SETX: variants seen among roughly 807,000 people sequenced by gnomAD.
The protein encoded by SETX is senataxin, also known as helicase senataxin.
Under a neutral mutation model 227.2 loss-of-function variants are expected in SETX, and 90 were observed. The ratio of observed to expected loss-of-function variants is 0.40; its 90% CI spans 0.33 to 0.47. SETX has a LOEUF of 0.47. Ranked by LOEUF, SETX falls within the 20% of genes least tolerant of loss-of-function variation. SETX has a pLI of 0.91. For synonymous variants in SETX, 1,210 were observed against 1,113.2 expected, an observed-to-expected ratio of 1.09 and a Z score of -1.73; for missense variants, 3,052 against 3,181.5, an observed-to-expected ratio of 0.96 and a Z score of 0.98.
At chr9:132,356,500 C>G (rs1210283108), upstream of SETX, among the ~76,000 whole-genome samples, 3 of 152,202 alleles carry the variant, frequency 2.0e-5, no homozygotes, top group East Asian at 1.9e-4. Context: ...CCGCACCCGG[C>G]CCCTACCCCC....
At chr9:132,289,873 G>GT (rs1369762857) in intron 15 of SETX, among the ~76,000 whole-genome samples, 3 of 151,962 alleles carry the variant, frequency 2.0e-5, no homozygotes, top group Non-Finnish European at 2.9e-5. Context: ...TAATGTTTTT[G>GT]TTTTTTTCTT....
At chr9:132,310,300 T>C (rs1352530883) in intron 11 of SETX, among the ~76,000 whole-genome samples, 2 of 152,250 alleles carry the variant, frequency 1.3e-5, no homozygotes, top group Non-Finnish European at 2.9e-5. Context: ...CAACTTCTCA[T>C]ATACTGCTGG....
chr9:132,275,319 GTTA>G lies in SETX; in HGVS notation c.7034_7036del (p.Ile2345del). The G allele has an allele frequency of 6.2e-7, 1 of 1,613,976 alleles. No homozygotes were observed. Among genetic ancestry groups the G allele is most frequent in the Non-Finnish European group, 8.5e-7 (1 of 1,179,918 alleles). ...CATCGTCTTCTGGGCCTTGTAATGA[GTTA>G]TTATGCCAATGTTTCGAAAACTAAC... On this transcript the variant is annotated inframe_deletion, in exon 23 of 26. Coordinates refer to ENST00000224140, the MANE Select transcript of SETX (RefSeq NM_015046.7).
At chr9:132,287,714 A>G (rs1301030218) in intron 17 of SETX, among the ~76,000 whole-genome samples, 1 of 152,004 alleles carries the variant, frequency 6.6e-6, no homozygotes, top group Non-Finnish European at 1.5e-5. Flanking sequence ...ATTTTTAACA[A>G]AAGTAATTTT....
At position 132,283,254 on chromosome 9, in the gene SETX, G is replaced by A. The variant is rs571194790; in HGVS notation, c.6546+10C>T. Reference sequence around the variant, plus strand: ...AGTAGTCAAAGTTGTATGGCTGACCGTTCACTGACCTCATCAACAATGACA... The same window carrying A: ...AGTAGTCAAAGTTGTATGGCTGACCATTCACTGACCTCATCAACAATGACA... On this transcript the variant is annotated intron_variant, in intron 19 of 25. Coordinates refer to ENST00000224140, the MANE Select transcript of SETX (RefSeq NM_015046.7). The A allele has an allele frequency of 3.4e-5, 55 of 1,613,888 alleles. No homozygotes were observed. Among genetic ancestry groups the A allele is most frequent in the South Asian group, 2.0e-4 (18 of 91,058 alleles).
chr9:132,352,927 G>C (rs956043675), intron 2 of SETX, among the ~76,000 whole-genome samples: 3 of 152,134 alleles, frequency 2.0e-5, no homozygotes, highest in Non-Finnish European at 4.4e-5. Flanking sequence ...CAATCTCTGA[G>C]CTCCAGAGCC....
chr9:132,316,404 T>G (rs1845970522), intron 10 of SETX, among the ~76,000 whole-genome samples: 1 of 152,212 alleles, frequency 6.6e-6, no homozygotes, highest in African/African-American at 2.4e-5. Flanking sequence ...ATCTGTTAAC[T>G]CCAAATATAG....
chr9:132,343,188 G>A (rs529522662), intron 4 of SETX, among the ~76,000 whole-genome samples: 1 of 152,156 alleles, frequency 6.6e-6, no homozygotes, highest in South Asian at 2.1e-4. Context: ...GCGTGGTGGT[G>A]GGCACCTGTA....
At chr9:132,265,282 G>A (rs888878131) in intron 25 of SETX, among the ~76,000 whole-genome samples, 4 of 138,216 alleles carry the variant, frequency 2.9e-5, no homozygotes, top group African/African-American at 1.1e-4. Flanking sequence ...CTGGAGTGCA[G>A]TGGCGCGATC....
At chr9:132,294,274 C>T (rs561593247) in intron 15 of SETX, among the ~76,000 whole-genome samples, 22 of 152,276 alleles carry the variant, frequency 1.4e-4, no homozygotes, top group African/African-American at 5.1e-4. Context: ...CTTGAACCCC[C>T]ACATTTTCAA....
At chr9:132,335,340 G>A (rs139111247) in intron 6 of SETX, among the ~76,000 whole-genome samples, 3,291 of 123,308 alleles carry the variant, frequency 0.027, 45 homozygotes, top group Middle Eastern at 0.075. Context: ...GCAGTGAGCC[G>A]AGATCGCGCG....
At chr9:132,297,529 G>T (rs1034983042) in intron 13 of SETX, among the ~76,000 whole-genome samples, 2 of 152,116 alleles carry the variant, frequency 1.3e-5, no homozygotes, top group African/African-American at 4.8e-5. Context: ...TACAAGCTAG[G>T]CCACTACGCT....
intron 15 of SETX, among the ~76,000 whole-genome samples, chr9:132,289,926 T>C (rs1208572500): frequency 6.6e-6 from 1 of 152,210 alleles, no homozygotes; most frequent in Non-Finnish European, 1.5e-5. Context: ...ATCTTTTTTC[T>C]GACCAGGCAC....
intron 11 of SETX, among the ~76,000 whole-genome samples, chr9:132,309,741 T>C (rs1845541841): frequency 6.6e-6 from 1 of 151,684 alleles, no homozygotes; most frequent in Non-Finnish European, 1.5e-5. Context: ...ACAAAATCAA[T>C]ACATGGGGTA....
Position 132,330,107 on chromosome 9 carries a change from G to A in SETX, c.1491C>T (p.Thr497=). 6.2e-7 allele frequency: 1 copy of A among 1,613,972 alleles called. No individual in the cohort carries two copies. The highest frequency in any genetic ancestry group is 8.5e-7 in the Non-Finnish European group (1 of 1,179,826). Residue 497 remains threonine (T), a synonymous_variant, in exon 10 of 26, where the codon ACC becomes ACT. Coordinates refer to ENST00000224140, the MANE Select transcript of SETX (RefSeq NM_015046.7). The stretch of plus-strand genomic sequence containing the variant: ...TCTCAGAACTCCGTGTAAACGCAGT[G>A]GTAGGAAGCTTGGCACATTTGACGA... ...EAVVKCAKLP[T]TAFTRSSEKS...
At chr9:132,270,275 A>AGTAT (rs1842840417) in intron 24 of SETX, among the ~76,000 whole-genome samples, 1 of 145,968 alleles carries the variant, frequency 6.9e-6, no homozygotes, top group Non-Finnish European at 1.5e-5. Context: ...AGAATGACTC[A>AGTAT]GCGTGCCCAT....
chr9:132,299,587 G>A (rs964523872), intron 12 of SETX, among the ~76,000 whole-genome samples: 5 of 152,132 alleles, frequency 3.3e-5, no homozygotes, highest in Non-Finnish European at 7.3e-5. Flanking sequence ...AAAGGAGAAG[G>A]AATAATGAAA....
chr9:132,292,661 G>T (rs1254657547), intron 15 of SETX, among the ~76,000 whole-genome samples: 4 of 125,562 alleles, frequency 3.2e-5, no homozygotes, highest in African/African-American at 1.3e-4. Context: ...CAAGAGTCTC[G>T]CTCTGTCACC....
intron 1 of SETX, among the ~76,000 whole-genome samples, 171 bp from the exon 2 acceptor site, chr9:132,353,926 G>A (rs542965899): frequency 2.0e-5 from 3 of 152,142 alleles, no homozygotes; most frequent in African/African-American, 7.2e-5. Flanking sequence ...CTGCAATTCT[G>A]ACTCCCAGTT....
Sources: gnomAD v4.1 joint callset for allele counts (sites outside exome capture counted in the v4.1 genomes callset) on GRCh38, gnomAD v4.1.1 for gene constraint, MANE v1.5 for transcripts, NCBI Gene and HGNC (gene_info 2026-07-23, HGNC 2026-07-21) for gene names.